Variants in EPS15L1 observed in about 807,000 individuals in gnomAD.
The protein encoded by EPS15L1 is epidermal growth factor receptor substrate 15-like 1.
Under a neutral mutation model 117.1 loss-of-function variants are expected in EPS15L1, and 43 were observed. The ratio of observed to expected loss-of-function variants is 0.37; its 90% confidence interval spans 0.29 to 0.47. The LOEUF is 0.47. Ranked by LOEUF, EPS15L1 falls within the 20% of genes least tolerant of loss-of-function variation. The probability of loss-of-function intolerance (pLI) is 0.99; values close to 1 mark genes in which losing one functional copy is unlikely to be tolerated. For synonymous variants in EPS15L1, 459 were observed against 470.5 expected (o/e 0.98, Z 0.32); for missense variants, 981 against 1,164.0 (o/e 0.84, Z 2.29).
intron 1 of EPS15L1, among the ~76,000 whole-genome samples, chr19:16,453,079 T>C (rs2093161766): frequency 6.6e-6 from 1 of 151,898 alleles, no homozygotes; most frequent in Non-Finnish European, 1.5e-5. Context: ...GGATTACAGG[T>C]GTGAGCCACC....
intron 12 of EPS15L1, among the ~76,000 whole-genome samples, chr19:16,414,254 C>T (rs1461294911): frequency 6.6e-6 from 1 of 152,092 alleles, no homozygotes; most frequent in African/African-American, 2.4e-5. Flanking sequence ...CCTCGGACCC[C>T]CAGCCGCAGG....
chr19:16,428,532 AAAGG>A (rs2092898093), intron 8 of EPS15L1, among the ~76,000 whole-genome samples, 166 bp downstream of exon 8: 2 of 4,158 alleles, frequency 4.8e-4, no homozygotes, highest in Non-Finnish European at 1.4e-3. Flanking sequence ...TGAAAGAAAG[AAAGG>A]AAGAAAGACA....
intron 22 of EPS15L1, among the ~76,000 whole-genome samples, chr19:16,368,179 C>G (rs951059952): frequency 6.6e-6 from 1 of 152,174 alleles, no homozygotes; most frequent in African/African-American, 2.4e-5. Flanking sequence ...CAACACAGAA[C>G]GATCACACAA....
intron 22 of EPS15L1, among the ~76,000 whole-genome samples, chr19:16,376,400 CGT>C (rs746558308): frequency 2.6e-5 from 4 of 152,204 alleles, no homozygotes; most frequent in Non-Finnish European, 5.9e-5. Flanking sequence ...AGAAATCCCA[CGT>C]GTGAGTTAAA....
At chr19:16,401,551 G>T (rs1462292284) in intron 16 of EPS15L1, 4 of 985,642 alleles carry the variant, frequency 4.1e-6, no homozygotes, top group Non-Finnish European at 3.6e-6. Context: ...ATCCGCTCCC[G>T]GAACAGCACC....
intron 16 of EPS15L1, chr19:16,401,595 C>G: frequency 1.0e-6 from 1 of 985,498 alleles, no homozygotes; most frequent in Non-Finnish European, 1.2e-6. Context: ...TCCCCAGGTT[C>G]GAGGCTGCAG....
At chr19:16,435,656 CG>C (rs80180964) in intron 6 of EPS15L1, among the ~76,000 whole-genome samples, 14,732 of 152,024 alleles carry the variant, frequency 0.097, 1,207 homozygotes, top group East Asian at 0.27. Context: ...AGGTCTTTCT[CG>C]GGGGCCTGGG....
At position 16,410,034 on chromosome 19, in the gene EPS15L1, C is replaced by T. The variant is rs572742178; in HGVS notation, c.1266+3739G>A. On this transcript the variant is annotated intron_variant, in intron 13 of 23. Coordinates refer to ENST00000455140, the MANE Select transcript of EPS15L1 (RefSeq NM_001258374.3). The stretch of plus-strand genomic sequence containing the variant: ...CTGTAATCCCAGCTACTCGGGAAGC[C>T]GAGGCACGAAAATCATTTGAACCCA... 3.8e-4 allele frequency among the ~76,000 whole-genome samples: 56 copies of T among 149,140 alleles called. No individual in the cohort carries two copies. The South Asian group carries it at 4.0e-3, about 11-fold the overall frequency.
intron 4 of EPS15L1, among the ~76,000 whole-genome samples, chr19:16,439,624 G>A (rs1004897821): frequency 2.0e-5 from 3 of 152,162 alleles, no homozygotes; most frequent in East Asian, 1.9e-4. Flanking sequence ...CCAGAAGATC[G>A]AGGCTGCAGT....
Position 16,383,570 on chromosome 19 carries a change from G to A in EPS15L1, c.2247+1559C>T, listed in dbSNP as rs2092386917. 1 of 152,360 alleles carries A rather than the reference G, an allele frequency of 6.6e-6. No homozygotes were observed. Among genetic ancestry groups the A allele is most frequent in the Non-Finnish European group, 1.5e-5 (1 of 68,136 alleles). The allele number at this position is 152,360 out of a possible 1,614,324, so 9.4% of individuals were successfully genotyped here. ...CACAGCGTGGCATATGAGGGATGGA[G>A]GCCTTCTCCGTGTGCTGGAAGGAGG... On this transcript the variant is annotated intron_variant, in intron 21 of 23. Coordinates refer to ENST00000455140, the MANE Select transcript of EPS15L1 (RefSeq NM_001258374.3). This position sits in a 1 kb window ranked among gnomAD's most constrained non-coding sequence, Gnocchi z 5.2.
chr19:16,444,620 C>T (rs1013059876), intron 1 of EPS15L1, among the ~76,000 whole-genome samples: 5 of 152,144 alleles, frequency 3.3e-5, no homozygotes, highest in South Asian at 2.1e-4. Context: ...AACAGCACAT[C>T]GCCTGCCATG....
Position 16,404,530 on chromosome 19 carries a change from T to TCCTTGGGAAGCCCCTGCCTGTGCATAGG in EPS15L1, c.1428+30_1428+57dup, listed in dbSNP as rs2092635456. 1.3e-6 allele frequency: 2 copies of TCCTTGGGAAGCCCCTGCCTGTGCATAGG among 1,591,092 alleles called. No homozygotes were observed. The highest frequency in any genetic ancestry group is 1.7e-5 in the Admixed American group (1 of 59,174). ...CCCAGGTAACACGAGCTCAGGGGAG[T>TCCTTGGGAAGCCCCTGCCTGTGCATAGG]CCTTGGGAAGCCCCTGCCTGTGCAT... On this transcript the variant is annotated intron_variant, in intron 14 of 23. Coordinates refer to ENST00000455140, the MANE Select transcript of EPS15L1 (RefSeq NM_001258374.3). This position sits in a 1 kb window ranked among gnomAD's most constrained non-coding sequence, Gnocchi z 4.2.
chr19:16,442,608 T>C (rs1277231319), intron 1 of EPS15L1, among the ~76,000 whole-genome samples: 2 of 152,108 alleles, frequency 1.3e-5, no homozygotes, highest in Non-Finnish European at 2.9e-5. Flanking sequence ...AGAAAAGAAG[T>C]TTCCACGCAT....
intron 7 of EPS15L1, among the ~76,000 whole-genome samples, chr19:16,430,625 G>T (rs952975041): frequency 6.6e-6 from 1 of 152,142 alleles, no homozygotes; most frequent in Non-Finnish European, 1.5e-5. Context: ...CTTCTTTGAC[G>T]GTATCTAATT....
intron 1 of EPS15L1, among the ~76,000 whole-genome samples, chr19:16,455,219 G>A (rs767352689): frequency 6.6e-6 from 1 of 152,160 alleles, no homozygotes; most frequent in Non-Finnish European, 1.5e-5. Context: ...CTGGGCTTAA[G>A]TGATCCTCCT....
chr19:16,356,733 G>A (rs997185445), intron 23 of EPS15L1: 6 of 152,186 alleles, frequency 3.9e-5, no homozygotes, highest in Non-Finnish European at 7.3e-5. Context: ...TTAAAAAAGG[G>A]AGAAAACCAT....
chr19:16,437,973 T>G lies in EPS15L1; in HGVS notation c.214-108A>C, dbSNP rs978832689. 12 of 817,938 alleles carry G rather than the reference T, an allele frequency of 1.5e-5. No individual in the cohort carries two copies. The African/African-American group carries it at 2.1e-4, about 14-fold the overall frequency. 50.7% of individuals were successfully genotyped at this position (817,938 alleles called of 1,614,324 possible). On this transcript the variant is annotated intron_variant, in intron 4 of 23. Coordinates refer to ENST00000455140, the MANE Select transcript of EPS15L1 (RefSeq NM_001258374.3). ...GGAAAGAGGATGTGCACTTCAACAA[T>G]GAAGGCCGTCCGTGCAAAAACCCCT...
intron 13 of EPS15L1, among the ~76,000 whole-genome samples, chr19:16,412,374 C>A (rs2092714346): frequency 2.0e-5 from 3 of 151,992 alleles, no homozygotes; most frequent in Non-Finnish European, 4.4e-5. Flanking sequence ...GTGGTGCGTG[C>A]CTGTAATCCC....
intron 8 of EPS15L1, among the ~76,000 whole-genome samples, chr19:16,425,751 G>A (rs773086048): frequency 6.6e-6 from 1 of 152,146 alleles, no homozygotes; most frequent in Admixed American, 6.5e-5. Flanking sequence ...GCTGCAGTGA[G>A]CTGTGATCGC....
Sources: gnomAD v4.1 joint callset for allele counts (sites outside exome capture counted in the v4.1 genomes callset) on GRCh38, gnomAD v4.1.1 for gene constraint, Gnocchi (gnomAD v3.1) non-coding constraint, MANE v1.5 for transcripts, NCBI Gene and HGNC (gene_info 2026-07-23, HGNC 2026-07-21) for gene names.